RBM20: variants seen among roughly 807,000 people sequenced by gnomAD.
RBM20 encodes the protein RNA binding motif protein 20, also known as RNA-binding protein 20.
Under a neutral mutation model 110.1 loss-of-function variants are expected in RBM20, and 51 were observed. The ratio of observed to expected loss-of-function variants is 0.46; its 90% CI spans 0.37 to 0.59. RBM20 has a LOEUF of 0.59. Among genes scored for constraint, RBM20 ranks in the 20% least tolerant of loss-of-function variants. RBM20 has a pLI of 0.00. For missense variants in RBM20, 1,512 were observed against 1,574.9 expected (o/e 0.96, Z 0.68); for synonymous variants, 589 against 618.2 (o/e 0.95, Z 0.70).
intron 1 of RBM20, among the ~76,000 whole-genome samples, chr10:110,748,960 A>G (rs1247049719): frequency 3.3e-5 from 5 of 152,314 alleles, no homozygotes; most frequent in South Asian, 2.1e-4. Context: ...GGATGGGAAA[A>G]TGTATGATAT....
At chr10:110,695,721 G>A (rs1383515877) in intron 1 of RBM20, among the ~76,000 whole-genome samples, 5 of 152,206 alleles carry the variant, frequency 3.3e-5, no homozygotes, top group Non-Finnish European at 4.4e-5. Flanking sequence ...GATCATTTGA[G>A]CATTGGGAAG....
At chr10:110,814,139 G>T (rs918252654) in intron 9 of RBM20, among the ~76,000 whole-genome samples, 2 of 152,166 alleles carry the variant, frequency 1.3e-5, no homozygotes, top group Non-Finnish European at 2.9e-5. Context: ...TGCAAATAAG[G>T]AAACCAAATC....
intron 1 of RBM20, among the ~76,000 whole-genome samples, chr10:110,680,923 C>T (rs1220140186): frequency 2.6e-5 from 4 of 152,196 alleles, no homozygotes; most frequent in Non-Finnish European, 5.9e-5. Flanking sequence ...TTCTTTTCCA[C>T]TTCTTTCTTC....
intron 1 of RBM20, among the ~76,000 whole-genome samples, chr10:110,728,435 T>C (rs1031041996): frequency 6.6e-6 from 1 of 152,204 alleles, no homozygotes; most frequent in Non-Finnish European, 1.5e-5. Flanking sequence ...ACTTTTTTTT[T>C]GGATAAGGTT....
chr10:110,818,395 G>A (rs1225125273), intron 9 of RBM20, among the ~76,000 whole-genome samples: 1 of 152,212 alleles, frequency 6.6e-6, no homozygotes, highest in Non-Finnish European at 1.5e-5. Context: ...GATTTTGGGG[G>A]AAGGTACAGA....
chr10:110,734,972 G>A (rs982002728), intron 1 of RBM20, among the ~76,000 whole-genome samples: 7 of 152,272 alleles, frequency 4.6e-5, no homozygotes, highest in South Asian at 4.1e-4. Flanking sequence ...TTCCCATGAC[G>A]TTAATCATCC....
At chr10:110,827,237 C>G (rs912492663) in intron 12 of RBM20, among the ~76,000 whole-genome samples, 19 of 151,958 alleles carry the variant, frequency 1.3e-4, no homozygotes, top group African/African-American at 4.3e-4. Context: ...TAAAACTAGC[C>G]AGGAGTTGTG....
intron 1 of RBM20, among the ~76,000 whole-genome samples, chr10:110,656,848 A>G (rs530830177): frequency 1.4e-4 from 22 of 152,282 alleles, no homozygotes; most frequent in African/African-American, 4.8e-4. Flanking sequence ...ATAGGTACCG[A>G]AAACGTTTTC....
chr10:110,761,020 C>A (rs1336058140), intron 1 of RBM20: 1 of 148,684 alleles, frequency 6.7e-6, no homozygotes, highest in African/African-American at 2.5e-5. Context: ...TGCTTGAACC[C>A]AGGAAGGTGG....
chr10:110,705,465 C>T (rs964521871), intron 1 of RBM20, among the ~76,000 whole-genome samples: 18 of 152,022 alleles, frequency 1.2e-4, no homozygotes, highest in Admixed American at 1.3e-4. Context: ...ACCAGTGAAT[C>T]GATAATACTG....
chr10:110,752,920 CATATATATAT>C (rs760317651), intron 1 of RBM20, among the ~76,000 whole-genome samples: 1 of 125,224 alleles, frequency 8.0e-6, no homozygotes, highest in Non-Finnish European at 1.6e-5. Context: ...TATATTTATA[CATATATATAT>C]ATATATATAT....
At chr10:110,768,173 G>A (rs1275370078) in intron 1 of RBM20, among the ~76,000 whole-genome samples, 3 of 152,218 alleles carry the variant, frequency 2.0e-5, no homozygotes, top group Non-Finnish European at 2.9e-5. Flanking sequence ...GAGCCGAGAT[G>A]GCAGCAGTAC....
At chr10:110,797,284 C>A (rs181543231) in intron 5 of RBM20, among the ~76,000 whole-genome samples, 363 of 151,784 alleles carry the variant, frequency 2.4e-3, no homozygotes, top group South Asian at 4.8e-3. Context: ...GGGAGTGAGA[C>A]CCGGTCTCAA....
intron 9 of RBM20, among the ~76,000 whole-genome samples, chr10:110,815,086 G>A (rs1404661656): frequency 6.6e-6 from 1 of 152,220 alleles, no homozygotes; most frequent in East Asian, 1.9e-4. Flanking sequence ...GCTAATAGGT[G>A]TAAAAGTGGC....
chr10:110,689,308 G>A (rs1197226988), intron 1 of RBM20, among the ~76,000 whole-genome samples: 1 of 152,250 alleles, frequency 6.6e-6, no homozygotes, highest in African/African-American at 2.4e-5. Flanking sequence ...AGGGGTGAGT[G>A]AGAGACAAAA....
intron 1 of RBM20, among the ~76,000 whole-genome samples, chr10:110,686,833 G>T (rs907644874): frequency 6.6e-6 from 1 of 151,996 alleles, no homozygotes; most frequent in Non-Finnish European, 1.5e-5. Context: ...GAGGTCAGGA[G>T]TTCGAGACCA....
intron 9 of RBM20, among the ~76,000 whole-genome samples, chr10:110,814,154 C>T (rs1207860927): frequency 6.6e-6 from 1 of 152,232 alleles, no homozygotes; most frequent in Non-Finnish European, 1.5e-5. Context: ...CAAATCTCTA[C>T]TCCATGAACA....
Position 110,806,560 on chromosome 10 carries a change from A to G in RBM20, c.1801-3823A>G, listed in dbSNP as rs533125410. Among the ~76,000 whole-genome samples the G allele has an allele frequency of 5.3e-5, 8 of 152,316 alleles. No individual in the cohort carries two copies. The South Asian group carries it at 1.5e-3, about 28-fold the overall frequency. ...CCATTAAAAACCACCCACATGATCC[A>G]GTCACCTCCCACCAGGCCCCACCTT... On this transcript the variant is annotated intron_variant, in intron 7 of 13. Transcript: ENST00000369519.
chr10:110,708,280 A>G (rs1862871627), intron 1 of RBM20, among the ~76,000 whole-genome samples: 1 of 152,200 alleles, frequency 6.6e-6, no homozygotes, highest in Admixed American at 6.5e-5. Context: ...GGTCCTATAT[A>G]TCAGCTACCC....
Sources: gnomAD v4.1 joint callset for allele counts (sites outside exome capture counted in the v4.1 genomes callset) on GRCh38, gnomAD v4.1.1 for gene constraint, MANE v1.5 for transcripts, NCBI Gene and HGNC (gene_info 2026-07-23, HGNC 2026-07-21) for gene names.